The following KCNN3 variants were observed in gnomAD, a reference collection of about 807,000 sequenced individuals.
KCNN3 encodes the protein small conductance calcium-activated potassium channel protein 3.
A neutral mutation model predicts 62.9 loss-of-function variants in KCNN3; 16 were observed. The observed-to-expected ratio is 0.25, with a 90% CI of 0.17 to 0.39. The LOEUF is 0.39. Ranked by LOEUF, KCNN3 falls within the 10% of genes least tolerant of loss-of-function variation. The pLI, the probability that KCNN3 is intolerant of heterozygous loss-of-function variation, is 1.00. For missense variants in KCNN3, 599 were observed against 949.4 expected (o/e 0.63, Z 4.85); for synonymous variants, 370 against 389.2 (o/e 0.95, Z 0.58).
intron 2 of KCNN3, among the ~76,000 whole-genome samples, chr1:154,780,603 T>C (rs924553094): frequency 2.0e-4 from 29 of 148,236 alleles, no homozygotes; most frequent in African/African-American, 7.1e-4. Context: ...ATTTTATATA[T>C]ATATATATAC....
In KCNN3 at chr1:154,765,375, CT is replaced by C. The variant is rs544600260; in HGVS notation, c.1448+6599del. On this transcript the variant is annotated intron_variant, in intron 3 of 7. Transcript: ENST00000271915. ...AGCCTCCAGTTCTGTCCTATTCATC[CT>C]TTCTCTTATCTCTTCTGCATTCTGA... Among the ~76,000 whole-genome samples, 195 of 152,282 alleles carry C rather than the reference CT, an allele frequency of 1.3e-3. 1 individual carries two copies. Among genetic ancestry groups the C allele is most frequent in the African/African-American group, 4.4e-3 (181 of 41,542 alleles).
At chr1:154,782,965 C>T (rs910286606) in intron 2 of KCNN3, among the ~76,000 whole-genome samples, 1 of 152,202 alleles carries the variant, frequency 6.6e-6, no homozygotes, top group Non-Finnish European at 1.5e-5. Flanking sequence ...GTAATCCCAG[C>T]GCTTTGGCAG....
At chr1:154,867,235 G>A (rs1323728025) in intron 1 of KCNN3, among the ~76,000 whole-genome samples, 1 of 152,216 alleles carries the variant, frequency 6.6e-6, no homozygotes, top group Admixed American at 6.5e-5. Flanking sequence ...CGCCCAGCAG[G>A]AGAGGCGGTT....
chr1:154,799,431 G>A (rs1216186152), intron 2 of KCNN3, among the ~76,000 whole-genome samples: 2 of 152,194 alleles, frequency 1.3e-5, no homozygotes, highest in South Asian at 2.1e-4. Flanking sequence ...AGGCATCTCC[G>A]TGTTCTAGCC....
intron 3 of KCNN3, among the ~76,000 whole-genome samples, chr1:154,744,671 C>T (rs1403759734): frequency 1.3e-5 from 2 of 152,090 alleles, no homozygotes; most frequent in Non-Finnish European, 2.9e-5. Flanking sequence ...TGTCCAGGTC[C>T]CCAATATAAT....
chr1:154,735,734 C>T (rs987677710), intron 3 of KCNN3, among the ~76,000 whole-genome samples: 44 of 152,188 alleles, frequency 2.9e-4, no homozygotes, highest in African/African-American at 1.1e-3. Context: ...CTCTGCCCTG[C>T]TAGGCCCTCA....
At chr1:154,801,137 G>C (rs1010153676) in intron 2 of KCNN3, among the ~76,000 whole-genome samples, 2 of 20,380 alleles carry the variant, frequency 9.8e-5, no homozygotes, top group African/African-American at 1.5e-4. Context: ...GAAAGGAGGT[G>C]GGGGGGAGAG....
chr1:154,707,972 T>C lies in KCNN3; in HGVS notation c.*4A>G. ...GGTAATGCTTCTGGAGTGGGGAGAT[T>C]TATTTAGCAACTGCTTGAACTTGTG... On this transcript the variant is annotated 3_prime_UTR_variant, in exon 8 of 8. Coordinates refer to ENST00000271915, the MANE Select transcript of KCNN3 (RefSeq NM_002249.6). 1 of 1,613,082 alleles carries C rather than the reference T, an allele frequency of 6.2e-7. No homozygotes were observed. The highest frequency in any genetic ancestry group is 8.5e-7 in the Non-Finnish European group (1 of 1,179,482).
chr1:154,800,874 A>G (rs1649926004), intron 2 of KCNN3, among the ~76,000 whole-genome samples: 1 of 133,442 alleles, frequency 7.5e-6, no homozygotes, highest in Non-Finnish European at 1.7e-5. Flanking sequence ...GCAAAACCCC[A>G]TCTCTACAAA....
chr1:154,837,826 G>A (rs753831303), intron 1 of KCNN3, among the ~76,000 whole-genome samples: 26 of 152,230 alleles, frequency 1.7e-4, no homozygotes, highest in Admixed American at 3.9e-4. Flanking sequence ...CTCTTGTCAC[G>A]TGGGGGCCAG....
intron 1 of KCNN3, among the ~76,000 whole-genome samples, chr1:154,860,394 C>T (rs559111546): frequency 6.6e-6 from 1 of 152,266 alleles, no homozygotes; most frequent in African/African-American, 2.4e-5. Flanking sequence ...CTGGCCTGGC[C>T]CCACGGGTTT....
chr1:154,735,852 T>C (rs980191897), intron 3 of KCNN3, among the ~76,000 whole-genome samples: 1 of 152,278 alleles, frequency 6.6e-6, no homozygotes, highest in South Asian at 2.1e-4. Flanking sequence ...AATCAGACTT[T>C]AGCTTCTCTA....
intron 1 of KCNN3, among the ~76,000 whole-genome samples, chr1:154,859,215 C>A (rs954203077): frequency 1.3e-5 from 2 of 152,248 alleles, no homozygotes; most frequent in Non-Finnish European, 2.9e-5. Flanking sequence ...CCACTGGAAG[C>A]CAGAAAAGAA....
Position 154,870,161 on chromosome 1 carries a change from G to T in KCNN3, c.-197C>A. On this transcript the variant is annotated 5_prime_UTR_variant, in exon 1 of 8. Coordinates refer to ENST00000271915, the MANE Select transcript of KCNN3 (RefSeq NM_002249.6). The stretch of plus-strand genomic sequence containing the variant: ...GCCACTCAAGAATGCATTGTATTGG[G>T]CAGGGAGGGAGAGCAGGAGGGGAGC... 1 of 729,566 alleles carries T rather than the reference G, an allele frequency of 1.4e-6. No homozygotes were observed. Among genetic ancestry groups the T allele is most frequent in the Non-Finnish European group, 2.5e-6 (1 of 401,286 alleles). 45.2% of individuals were successfully genotyped at this position (729,566 alleles called of 1,614,324 possible). A position where few individuals can be genotyped will look rare whatever the true frequency, so the allele number is the denominator to read the frequency against.
chr1:154,776,360 A>G (rs867667374), intron 2 of KCNN3, among the ~76,000 whole-genome samples: 2 of 152,154 alleles, frequency 1.3e-5, no homozygotes, highest in African/African-American at 4.8e-5. Context: ...ACTGCTCTAA[A>G]AATGTGAGGG....
intron 2 of KCNN3, among the ~76,000 whole-genome samples, chr1:154,805,999 T>C (rs1247736482): frequency 6.6e-6 from 1 of 151,416 alleles, no homozygotes; most frequent in Non-Finnish European, 1.5e-5. Context: ...AGCAGGAGAG[T>C]CAGTGTCAGA....
At chr1:154,735,232 GGCCACA>G (rs1044955055) in intron 3 of KCNN3, among the ~76,000 whole-genome samples, 20 of 152,148 alleles carry the variant, frequency 1.3e-4, no homozygotes, top group African/African-American at 4.8e-4. Flanking sequence ...CAGAGACGCA[GGCCACA>G]GCCTTTCTCA....
At chr1:154,841,795 G>A (rs1343477294) in intron 1 of KCNN3, among the ~76,000 whole-genome samples, 2 of 152,262 alleles carry the variant, frequency 1.3e-5, no homozygotes. Context: ...CGAAGGGGCT[G>A]TGCAGGGCTG....
At chr1:154,815,257 T>C (rs1007618352) in intron 2 of KCNN3, among the ~76,000 whole-genome samples, 1 of 152,218 alleles carries the variant, frequency 6.6e-6, no homozygotes, top group Non-Finnish European at 1.5e-5. Context: ...GGATGGGGAC[T>C]CTAGCCCCTA....
Sources: gnomAD v4.1 joint callset for allele counts (sites outside exome capture counted in the v4.1 genomes callset) on GRCh38, gnomAD v4.1.1 for gene constraint, MANE v1.5 for transcripts, NCBI Gene and HGNC (gene_info 2026-07-23, HGNC 2026-07-21) for gene names.